The following IL20RB variants were observed in gnomAD, a reference collection of about 807,000 sequenced individuals.
IL20RB encodes the protein interleukin 20 receptor subunit beta.
Under a neutral mutation model 33.3 loss-of-function variants are expected in IL20RB, and 21 were observed. The ratio of observed to expected loss-of-function variants is 0.63; its 90% CI spans 0.45 to 0.91. IL20RB has a LOEUF of 0.91. Ranked by LOEUF, IL20RB falls within the 40% of genes least tolerant of loss-of-function variation. IL20RB has a pLI of 0.00. For missense variants in IL20RB, 345 were observed against 384.8 expected, an observed-to-expected ratio of 0.90 and a Z score of 0.86; for synonymous variants, 147 against 146.8, an observed-to-expected ratio of 1.00 and a Z score of -0.01.
chr3:136,983,638 T>C (rs1941835029), intron 3 of IL20RB, among the ~76,000 whole-genome samples: 1 of 152,072 alleles, frequency 6.6e-6, no homozygotes, highest in Non-Finnish European at 1.5e-5. Context: ...AGCTGTCAAA[T>C]GGAATTGGTG....
intron 6 of IL20RB, among the ~76,000 whole-genome samples, chr3:137,005,769 A>C (rs1483602145): frequency 6.6e-6 from 1 of 152,114 alleles, no homozygotes; most frequent in Non-Finnish European, 1.5e-5. Context: ...TTTACATTTA[A>C]GGTTAATATT....
intron 3 of IL20RB, among the ~76,000 whole-genome samples, chr3:136,986,215 A>C (rs539139259): frequency 1.2e-5 from 1 of 86,158 alleles, no homozygotes; most frequent in East Asian, 1.6e-3. Context: ...TCCATCTCAA[A>C]TAAATAAATA....
intron 3 of IL20RB, among the ~76,000 whole-genome samples, chr3:136,987,701 C>T (rs956595714): frequency 4.6e-5 from 7 of 152,200 alleles, no homozygotes; most frequent in African/African-American, 1.7e-4. Context: ...GAGGCTCAGG[C>T]ATGGCGGGCT....
chr3:136,958,267 A>G lies in IL20RB; in HGVS notation c.88+66A>G, dbSNP rs1187409218. ...AATATAGGTTAAGAAGGCAAAAAAT[A>G]CTTTCCCAGGGCCTGGGGTTGAAAT... On this transcript the variant is annotated intron_variant, in intron 1 of 6. Transcript: ENST00000329582. The G allele has an allele frequency of 8.5e-6, 8 of 939,852 alleles. No individual in the cohort carries two copies. The Admixed American group carries it at 1.5e-4, about 17-fold the overall frequency. The allele number at this position is 939,852 out of a possible 1,614,324, so 58.2% of individuals were successfully genotyped here. A position where few individuals can be genotyped will look rare whatever the true frequency, so the allele number is the denominator to read the frequency against.
chr3:136,980,698 AT>A (rs1164421577), intron 2 of IL20RB, 106 bp downstream of exon 2: 2 of 1,134,166 alleles, frequency 1.8e-6, no homozygotes, highest in Non-Finnish European at 2.6e-6. Context: ...CCAGGGATAG[AT>A]TATCCCCAAA....
chr3:136,971,142 T>C (rs550604362), intron 1 of IL20RB, among the ~76,000 whole-genome samples: 34 of 152,144 alleles, frequency 2.2e-4, no homozygotes, highest in African/African-American at 8.2e-4. Flanking sequence ...TTTTGTTTTG[T>C]TTTTTTGAGA....
At position 136,995,411 on chromosome 3, in the gene IL20RB, C is replaced by T; in HGVS notation, c.683-3C>T. 1 of 1,613,612 alleles carries T rather than the reference C, an allele frequency of 6.2e-7. No individual in the cohort carries two copies. The highest frequency in any genetic ancestry group is 8.5e-7 in the Non-Finnish European group (1 of 1,179,838). On this transcript the variant is annotated splice_polypyrimidine_tract_variant and splice_region_variant and intron_variant, in intron 5 of 6. Coordinates refer to ENST00000329582, the MANE Select transcript of IL20RB (RefSeq NM_144717.4). Reference sequence around the variant, plus strand: ...TAAGCCTGTTTTTATCTTTTGTTTCCAGGAGAGGCCATTCCCCTGGTACTG... The same window carrying T: ...TAAGCCTGTTTTTATCTTTTGTTTCTAGGAGAGGCCATTCCCCTGGTACTG...
At chr3:136,975,670 A>C (rs1283626804) in intron 1 of IL20RB, among the ~76,000 whole-genome samples, 2 of 152,156 alleles carry the variant, frequency 1.3e-5, no homozygotes, top group Non-Finnish European at 1.5e-5. Flanking sequence ...CTTTGGCTGC[A>C]GCGTTAGTAG....
chr3:136,981,035 G>T (rs1031042612), intron 2 of IL20RB, among the ~76,000 whole-genome samples: 1 of 152,126 alleles, frequency 6.6e-6, no homozygotes, highest in African/African-American at 2.4e-5. Context: ...GTGTTCAGGT[G>T]CTTGCAGCTA....
At chr3:136,972,768 AT>A (rs1246481293) in intron 1 of IL20RB, among the ~76,000 whole-genome samples, 1 of 147,392 alleles carries the variant, frequency 6.8e-6, no homozygotes, top group African/African-American at 2.5e-5. Context: ...TTCTTGATGT[AT>A]TTTTTTTAGT....
rs943697783 is a variant in IL20RB, at chr3:136,991,982, A to G, written c.576A>G (p.Leu192=). The change falls in exon 5 of 7, where the codon CTA becomes CTG. Residue 192 remains leucine, a synonymous_variant. Transcript: ENST00000329582. Reference sequence around the variant, plus strand: ...GGAGTGGGGGTATTCCAGTGCACCTAGAAACCATGGAGCCAGGGGCTGCAT... The same window carrying G: ...GGAGTGGGGGTATTCCAGTGCACCTGGAAACCATGGAGCCAGGGGCTGCAT... ...MVRSGGIPVH[L]ETMEPGAAYC... 1.2e-6 allele frequency: 2 copies of G among 1,614,224 alleles called. No homozygotes were observed. Among genetic ancestry groups the G allele is most frequent in the Non-Finnish European group, 8.5e-7 (1 of 1,180,034 alleles).
chr3:136,982,459 CCA>C (rs1343623746), intron 3 of IL20RB, 109 bp downstream of exon 3: 3 of 770,878 alleles, frequency 3.9e-6, no homozygotes, highest in Non-Finnish European at 6.0e-6. Context: ...TCCTGCAAAG[CCA>C]GAGTATTGTG....
intron 2 of IL20RB, among the ~76,000 whole-genome samples, chr3:136,981,337 G>A (rs1193097764): frequency 3.3e-5 from 5 of 150,602 alleles, no homozygotes. Context: ...CATTTTAGGT[G>A]TTCAATAGCC....
chr3:136,995,398 T>A lies in IL20RB; in HGVS notation c.683-16T>A. On this transcript the variant is annotated splice_polypyrimidine_tract_variant and intron_variant, in intron 5 of 6. Transcript: ENST00000329582. ...TGCTGCTGTTTTCTAAGCCTGTTTT[T>A]ATCTTTTGTTTCCAGGAGAGGCCAT... 1 of 1,613,146 alleles carries A rather than the reference T, an allele frequency of 6.2e-7. No homozygotes were observed. Among genetic ancestry groups the A allele is most frequent in the Non-Finnish European group, 8.5e-7 (1 of 1,179,558 alleles).
intron 6 of IL20RB, among the ~76,000 whole-genome samples, chr3:137,005,125 T>C (rs1419604465): frequency 2.0e-5 from 3 of 152,262 alleles, no homozygotes; most frequent in Non-Finnish European, 4.4e-5. Context: ...CATTGTGGTC[T>C]GACAGACAGT....
intron 1 of IL20RB, among the ~76,000 whole-genome samples, chr3:136,958,953 G>C (rs78805269): frequency 1.1e-4 from 5 of 44,296 alleles, no homozygotes; most frequent in East Asian, 4.2e-3. Flanking sequence ...CTCACTCTCT[G>C]TGTGTGTGTG....
At chr3:136,970,206 C>T (rs1173453288) in intron 1 of IL20RB, among the ~76,000 whole-genome samples, 1 of 152,008 alleles carries the variant, frequency 6.6e-6, no homozygotes, top group Non-Finnish European at 1.5e-5. Flanking sequence ...GACCTTCCAC[C>T]TTAGCCTCTG....
chr3:136,973,430 G>A (rs1019107853), intron 1 of IL20RB, among the ~76,000 whole-genome samples: 1 of 151,966 alleles, frequency 6.6e-6, no homozygotes, highest in Admixed American at 6.5e-5. Flanking sequence ...GGCGGAGGTT[G>A]CAGTGAATCT....
intron 3 of IL20RB, among the ~76,000 whole-genome samples, chr3:136,985,269 C>T (rs1941872444): frequency 6.6e-6 from 1 of 151,970 alleles, no homozygotes; most frequent in South Asian, 2.1e-4. Flanking sequence ...TCAGACTTCT[C>T]CCCAGGAATG....
Sources: gnomAD v4.1 joint callset for allele counts (sites outside exome capture counted in the v4.1 genomes callset) on GRCh38, gnomAD v4.1.1 for gene constraint, MANE v1.5 for transcripts, NCBI Gene and HGNC (gene_info 2026-07-23, HGNC 2026-07-21) for gene names.